ZNF423: variants seen among roughly 807,000 people sequenced by gnomAD.
ZNF423 encodes zinc finger protein 423.
A neutral mutation model predicts 95.8 loss-of-function variants in ZNF423; 12 were observed. The observed-to-expected ratio is 0.13, with a 90% CI of 0.08 to 0.20. The LOEUF is 0.20. Ranked by LOEUF, ZNF423 falls within the 10% of genes least tolerant of loss-of-function variation. ZNF423 has a pLI of 1.00. For synonymous variants in ZNF423, 749 were observed against 711.9 expected (o/e 1.05, Z -0.83); for missense variants, 1,316 against 1,737.1 (o/e 0.76, Z 4.31).
intron 1 of ZNF423, among the ~76,000 whole-genome samples, chr16:49,811,242 G>A (rs1455516397): frequency 6.6e-6 from 1 of 152,190 alleles, no homozygotes; most frequent in East Asian, 1.9e-4. Context: ...GGTCTGCTTG[G>A]GGGTAGTGAG....
chr16:49,497,381 C>T (rs1011665530), intron 7 of ZNF423, among the ~76,000 whole-genome samples: 3 of 152,264 alleles, frequency 2.0e-5, no homozygotes, highest in East Asian at 1.9e-4. Context: ...GTGAGGGTGC[C>T]GATGGCCAAA....
In ZNF423 at chr16:49,765,675, G is replaced by A. The variant is rs141200033; in HGVS notation, c.100+23812C>T. Among the ~76,000 whole-genome samples the A allele has an allele frequency of 2.9e-4, 44 of 152,204 alleles. No individual in the cohort carries two copies. The East Asian group carries it at 4.6e-3, about 16-fold the overall frequency. ...GTCGAGGCTGCAGTTTGCCATGATC[G>A]CGCCACTGCACTCCAGCCTGGACAA... On this transcript the variant is annotated intron_variant, in intron 2 of 7. Coordinates refer to ENST00000563137, the MANE Select transcript of ZNF423 (RefSeq NM_001379286.1).
At position 49,635,813 on chromosome 16, in the gene ZNF423, G is replaced by T. The variant is rs374683537; in HGVS notation, c.3363C>A (p.Ala1121=). ...QVGGLAPPEP[A]DRPCAGLRCP... is the part of the protein sequence containing the mutation. ...AACGGAGGCCGGCACAGGGCCGGTC[G>T]GCGGGCTCGGGCGGGGCCAGGCCAC... Residue 1121 remains alanine (A), a synonymous_variant, in exon 4 of 8, where the codon GCC becomes GCA. Transcript: ENST00000563137. The surrounding 1 kb of genome is among the most constrained non-coding windows in gnomAD (Gnocchi z 4.8). 6.2e-7 allele frequency: 1 copy of T among 1,609,004 alleles called. No individual in the cohort carries two copies. The highest frequency in any genetic ancestry group is 8.5e-7 in the Non-Finnish European group (1 of 1,178,322).
intron 3 of ZNF423, among the ~76,000 whole-genome samples, chr16:49,711,016 G>A (rs1404167619): frequency 6.6e-6 from 1 of 152,202 alleles, no homozygotes; most frequent in Non-Finnish European, 1.5e-5. Context: ...CTCAAGCACA[G>A]TATGTAAAGC....
At chr16:49,787,208 G>C (rs1264834601) in intron 2 of ZNF423, among the ~76,000 whole-genome samples, 1 of 152,032 alleles carries the variant, frequency 6.6e-6, no homozygotes, top group Non-Finnish European at 1.5e-5. Flanking sequence ...CAGTGCTCAG[G>C]GAATAAAAGC....
chr16:49,725,400 T>TA (rs376847542), intron 3 of ZNF423, among the ~76,000 whole-genome samples: 3 of 151,486 alleles, frequency 2.0e-5, no homozygotes, highest in South Asian at 2.1e-4. Flanking sequence ...ACTAATTAAT[T>TA]AAAAAAAATG....
intron 2 of ZNF423, among the ~76,000 whole-genome samples, chr16:49,739,542 CCGTG>C (rs2033367921): frequency 2.0e-5 from 3 of 152,126 alleles, no homozygotes; most frequent in Admixed American, 6.5e-5. Context: ...GCCACCTCCT[CCGTG>C]AAGGGGTGTG....
intron 2 of ZNF423, among the ~76,000 whole-genome samples, chr16:49,746,370 A>T (rs138216774): frequency 2.6e-4 from 40 of 152,162 alleles, no homozygotes; most frequent in African/African-American, 8.7e-4. Context: ...CCACCTCAAA[A>T]GAGGACAAGC....
At chr16:49,687,551 C>G (rs1482220802) in intron 3 of ZNF423, among the ~76,000 whole-genome samples, 1 of 152,190 alleles carries the variant, frequency 6.6e-6, no homozygotes, top group Non-Finnish European at 1.5e-5. Flanking sequence ...AATCAAAGAT[C>G]TTCATTTCTG....
intron 1 of ZNF423, chr16:49,853,774 A>T (rs2035327368): frequency 1.0e-6 from 1 of 985,384 alleles, no homozygotes; most frequent in South Asian, 4.7e-5. Flanking sequence ...CGGTTCAAGC[A>T]ACTTTGAAAC....
At chr16:49,493,419 G>C (rs1967047950) in intron 7 of ZNF423, among the ~76,000 whole-genome samples, 1 of 152,138 alleles carries the variant, frequency 6.6e-6, no homozygotes, top group African/African-American at 2.4e-5. Context: ...CCTTTCTCAG[G>C]ACCCAGGGCT....
intron 3 of ZNF423, among the ~76,000 whole-genome samples, chr16:49,687,379 C>T (rs1321387387): frequency 6.6e-6 from 1 of 152,162 alleles, no homozygotes; most frequent in Non-Finnish European, 1.5e-5. Flanking sequence ...CCCACCTACC[C>T]CTGGGCTAGC....
intron 5 of ZNF423, among the ~76,000 whole-genome samples, chr16:49,570,428 G>A (rs984692445): frequency 6.6e-6 from 1 of 152,158 alleles, no homozygotes; most frequent in African/African-American, 2.4e-5. Flanking sequence ...AGCCCATAAT[G>A]GTTCCAATAA....
At chr16:49,784,262 G>T (rs1324844460) in intron 2 of ZNF423, among the ~76,000 whole-genome samples, 1 of 152,028 alleles carries the variant, frequency 6.6e-6, no homozygotes, top group Admixed American at 6.5e-5. Flanking sequence ...ATTGCCAGGT[G>T]CGGTGACACA....
intron 5 of ZNF423, among the ~76,000 whole-genome samples, chr16:49,598,583 C>T (rs772138391): frequency 4.6e-5 from 7 of 152,318 alleles, no homozygotes; most frequent in Non-Finnish European, 5.9e-5. Flanking sequence ...CTGGTGAGCA[C>T]GCGCACTGGG....
rs561227140 is a variant in ZNF423 at position 49,793,439 on chromosome 16, G to A, written c.41-3893C>T. On this transcript the variant is annotated intron_variant, in intron 1 of 7. Coordinates refer to ENST00000563137, the MANE Select transcript of ZNF423 (RefSeq NM_001379286.1). ...GGGCCGATAGGGACAACACACCAAA[G>A]GGGCTACTTGGCCGGCCCGCGGCGC... is the stretch of plus-strand genomic sequence containing the variant. 2.8e-4 allele frequency among the ~76,000 whole-genome samples: 42 copies of A among 152,324 alleles called. No individual in the cohort carries two copies. The South Asian group carries it at 7.9e-3, about 29-fold the overall frequency.
At chr16:49,845,035 CAAAAAAAAAAA>C (rs71138011) in intron 1 of ZNF423, among the ~76,000 whole-genome samples, 88 of 63,520 alleles carry the variant, frequency 1.4e-3, no homozygotes, top group Non-Finnish European at 1.6e-3. Flanking sequence ...AACTCCATCT[CAAAAAAAAAAA>C]AAAAAAAAAA....
chr16:49,718,217 C>A (rs1027889038), intron 3 of ZNF423, among the ~76,000 whole-genome samples: 6 of 152,128 alleles, frequency 3.9e-5, no homozygotes, highest in African/African-American at 1.4e-4. Flanking sequence ...GTCATGAGTT[C>A]AAGACCAGCC....
intron 1 of ZNF423, among the ~76,000 whole-genome samples, chr16:49,823,762 C>T (rs1425793016): frequency 6.6e-6 from 1 of 152,032 alleles, no homozygotes; most frequent in African/African-American, 2.4e-5. Flanking sequence ...CACACTTGCA[C>T]ATGTACACAC....
Sources: gnomAD v4.1 joint callset for allele counts (sites outside exome capture counted in the v4.1 genomes callset) on GRCh38, gnomAD v4.1.1 for gene constraint, Gnocchi (gnomAD v3.1) non-coding constraint, MANE v1.5 for transcripts, NCBI Gene and HGNC (gene_info 2026-07-23, HGNC 2026-07-21) for gene names.